FBH1: variants seen among roughly 807,000 people sequenced by gnomAD.
FBH1 encodes the protein F-box DNA helicase 1.
In FBH1, 43 loss-of-function variants were observed where a neutral mutation model predicts 115.5. The ratio of observed to expected loss-of-function variants is 0.37; its 90% CI spans 0.29 to 0.48. The LOEUF is 0.48. FBH1 is among the 20% of genes least tolerant of loss of function. The pLI is 0.99. For synonymous variants in FBH1, 524 were observed against 507.8 expected (o/e 1.03, Z -0.43); for missense variants, 1,001 against 1,337.3 (o/e 0.75, Z 3.92).
rs993119351 is a variant in FBH1 at position 5,900,665 on chromosome 10, C to G, written c.2-2355C>G. ...TTCATGAAGTTTTTTTTTAAAAAAG[C>G]TGGTATTAAACCTTGAAAAAGTTAA... On this transcript the variant is annotated intron_variant, in intron 1 of 20. Coordinates refer to ENST00000362091, the MANE Select transcript of FBH1 (RefSeq NM_178150.3). The surrounding 1 kb of genome is among the most constrained non-coding windows in gnomAD (Gnocchi z 4.2). Among the ~76,000 whole-genome samples the G allele has an allele frequency of 2.0e-5, 3 of 152,050 alleles. No homozygotes were observed. The highest frequency in any genetic ancestry group is 7.2e-5 in the African/African-American group (3 of 41,390).
Position 5,911,703 on chromosome 10 carries a change from T to C in FBH1, c.1211+575T>C, listed in dbSNP as rs1289066283. ...GCTTAGAGGAGTTAGAGGAGATTCC[T>C]GATCTAGTGAGGGAAGACAGGTCCT... On this transcript the variant is annotated intron_variant, in intron 6 of 20. Coordinates refer to ENST00000362091, the MANE Select transcript of FBH1 (RefSeq NM_178150.3). The surrounding 1 kb of genome is among the most constrained non-coding windows in gnomAD (Gnocchi z 5.4). Among the ~76,000 whole-genome samples, 1 of 152,166 alleles carries C rather than the reference T, an allele frequency of 6.6e-6. No individual in the cohort carries two copies. Among genetic ancestry groups the C allele is most frequent in the Non-Finnish European group, 1.5e-5 (1 of 68,026 alleles).
rs1315656621 is a variant in FBH1 at position 5,900,470 on chromosome 10, G to A, written c.2-2550G>A. 2.0e-5 allele frequency among the ~76,000 whole-genome samples: 3 copies of A among 152,206 alleles called. No individual in the cohort carries two copies. The highest frequency in any genetic ancestry group is 4.4e-5 in the Non-Finnish European group (3 of 68,038). On this transcript the variant is annotated intron_variant, in intron 1 of 20. Coordinates refer to ENST00000362091, the MANE Select transcript of FBH1 (RefSeq NM_178150.3). The surrounding 1 kb of genome is among the most constrained non-coding windows in gnomAD (Gnocchi z 4.2). Reference sequence around the variant, plus strand: ...GGCCCTCGCCGGCTCACCACGCTGCGCTGTGCTGCTTCGTGAGAGTGAGCG... The same window carrying A: ...GGCCCTCGCCGGCTCACCACGCTGCACTGTGCTGCTTCGTGAGAGTGAGCG...
At chr10:5,905,682 T>C (rs1226409148) in intron 2 of FBH1, among the ~76,000 whole-genome samples, 2 of 152,170 alleles carry the variant, frequency 1.3e-5, no homozygotes, top group Non-Finnish European at 1.5e-5. Flanking sequence ...CGGGGCACTT[T>C]GTGAGTGGCG....
At chr10:5,908,649 T>A (rs1019779612) in intron 3 of FBH1, among the ~76,000 whole-genome samples, 2 of 151,870 alleles carry the variant, frequency 1.3e-5, no homozygotes, top group Non-Finnish European at 2.9e-5. Context: ...TCACCCAGGC[T>A]AGCGTGCACT....
In FBH1 at chr10:5,932,512, A is replaced by G. The variant is rs140762433; in HGVS notation, c.2830-3944A>G. ...GCTCTCTCGCCTCTTGGTCAGCTGC[A>G]TAGTGTTCTGTGTTGACGCACTGTG... is the stretch of plus-strand genomic sequence containing the variant. On this transcript the variant is annotated intron_variant, in intron 19 of 20. Coordinates refer to ENST00000362091, the MANE Select transcript of FBH1 (RefSeq NM_178150.3). The surrounding 1 kb of genome is among the most constrained non-coding windows in gnomAD (Gnocchi z 5.9). Among the ~76,000 whole-genome samples, 14 of 152,224 alleles carry G rather than the reference A, an allele frequency of 9.2e-5. No homozygotes were observed. In the East Asian group the frequency reaches 2.1e-3, roughly 23 times the overall value.
At chr10:5,890,167 T>C (rs1589032564), upstream of FBH1, 1 of 328,302 alleles carries the variant, frequency 3.0e-6, no homozygotes, top group Non-Finnish European at 5.7e-6. Flanking sequence ...TCAGTCCGGC[T>C]CCGGCGGCGG....
In FBH1 at chr10:5,915,541, A is replaced by G. The variant is rs1831872352; in HGVS notation, c.1535A>G (p.His512Arg). 1 of 1,613,180 alleles carries G rather than the reference A, an allele frequency of 6.2e-7. No individual in the cohort carries two copies. The highest frequency in any genetic ancestry group is 1.7e-5 in the Admixed American group (1 of 59,896). The stretch of plus-strand genomic sequence containing the variant: ...AGCAACGTCATCTGCAAAACCTTCC[A>G]CTCCATGGCCTACGGGCACATAGGG... ...FPSNVICKTF[H>R]SMAYGHIGRK... Residue 512 changes from histidine (H) to arginine (R), a missense_variant, in exon 9 of 21, where the codon CAC becomes CGC. Around this residue, in one of 4 missense-constraint regions of FBH1, gnomAD observed 521 missense variants for 811.0 expected, o/e 0.64. Transcript: ENST00000362091. This position sits in a 1 kb window ranked among gnomAD's most constrained non-coding sequence, Gnocchi z 5.2.
chr10:5,909,018 G>C lies in FBH1; in HGVS notation c.847G>C (p.Glu283Gln). The C allele has an allele frequency of 6.2e-7, 1 of 1,614,234 alleles. No homozygotes were observed. The highest frequency in any genetic ancestry group is 8.5e-7 in the Non-Finnish European group (1 of 1,180,038). The change falls in exon 4 of 21, where the codon GAA becomes CAA. Residue 283 changes from glutamate to glutamine, a missense_variant. Physicochemically the swap from Glu to Gln is conservative, Grantham distance 29. Transcript: ENST00000362091. The surrounding 1 kb of genome is among the most constrained non-coding windows in gnomAD (Gnocchi z 4.4). ...CGGCATCCTGTCTAACTGTGGCATA[G>C]AAAAGGAGTCAGACCTGTGTGTGCT... ...VDGILSNCGI[E>Q]KESDLCVLNL...
rs1348565103 is a variant in FBH1 at position 5,911,413 on chromosome 10, G to A, written c.1211+285G>A. ...AGCCTTAGGGGAAGCCCCTCGCCAAGAGAAGCCTTTCTTATTCACCCGTGG... is the reference window on the plus strand; with the variant it reads ...AGCCTTAGGGGAAGCCCCTCGCCAAAAGAAGCCTTTCTTATTCACCCGTGG... On this transcript the variant is annotated intron_variant, in intron 6 of 20. Transcript: ENST00000362091. This position sits in a 1 kb window ranked among gnomAD's most constrained non-coding sequence, Gnocchi z 5.4. Among the ~76,000 whole-genome samples the A allele has an allele frequency of 6.6e-6, 1 of 152,252 alleles. No individual in the cohort carries two copies. Among genetic ancestry groups the A allele is most frequent in the Non-Finnish European group, 1.5e-5 (1 of 68,048 alleles).
Position 5,909,728 on chromosome 10 carries a change from C to A in FBH1, c.1020+434C>A, listed in dbSNP as rs1380552675. Among the ~76,000 whole-genome samples the A allele has an allele frequency of 6.6e-6, 1 of 152,208 alleles. No homozygotes were observed. Among genetic ancestry groups the A allele is most frequent in the East Asian group, 1.9e-4 (1 of 5,190 alleles). The stretch of plus-strand genomic sequence containing the variant: ...AGAAGCTGGAAATAACCCTCAGTCT[C>A]CTTGAATCTCAGCCCTGTTGCTCCT... On this transcript the variant is annotated intron_variant, in intron 5 of 20. Transcript: ENST00000362091. This position sits in a 1 kb window ranked among gnomAD's most constrained non-coding sequence, Gnocchi z 4.4.
Position 5,924,615 on chromosome 10 carries a change from T to C in FBH1, c.2596+107T>C. Reference sequence around the variant, plus strand: ...CAGAGTATTGCTCTGTTGCCCAGGCTGGAGTGCAGTGGCGTGATCTTGGCT... The same window carrying C: ...CAGAGTATTGCTCTGTTGCCCAGGCCGGAGTGCAGTGGCGTGATCTTGGCT... On this transcript the variant is annotated intron_variant, in intron 17 of 20. Coordinates refer to ENST00000362091, the MANE Select transcript of FBH1 (RefSeq NM_178150.3). This position sits in a 1 kb window ranked among gnomAD's most constrained non-coding sequence, Gnocchi z 6.2. The C allele has an allele frequency of 8.9e-7, 1 of 1,124,870 alleles. No homozygotes were observed. The highest frequency in any genetic ancestry group is 1.4e-5 in the South Asian group (1 of 72,446). The allele number at this position is 1,124,870 out of a possible 1,614,324, so 69.7% of individuals were successfully genotyped here.
intron 19 of FBH1, among the ~76,000 whole-genome samples, chr10:5,930,150 T>G (rs11255987): frequency 0.083 from 12,619 of 152,242 alleles, 1,689 homozygotes; most frequent in African/African-American, 0.29. Flanking sequence ...CTCCAAAAAA[T>G]ATGTACTTTT....
rs1236251883 is a variant in FBH1 at position 5,911,213 on chromosome 10, A to G, written c.1211+85A>G. On this transcript the variant is annotated intron_variant, in intron 6 of 20. Coordinates refer to ENST00000362091, the MANE Select transcript of FBH1 (RefSeq NM_178150.3). The surrounding 1 kb of genome is among the most constrained non-coding windows in gnomAD (Gnocchi z 5.4). Reference sequence around the variant, plus strand: ...AGCAGGTCCAGCCCTGCCACTTAGCAGTGTTAGCACCTGGCAGGCTGTGGG... The same window carrying G: ...AGCAGGTCCAGCCCTGCCACTTAGCGGTGTTAGCACCTGGCAGGCTGTGGG... 1.5e-5 allele frequency: 21 copies of G among 1,380,766 alleles called. No homozygotes were observed. The highest frequency in any genetic ancestry group is 2.1e-5 in the Non-Finnish European group (21 of 1,007,358). The allele number at this position is 1,380,766 out of a possible 1,614,324, so 85.5% of individuals were successfully genotyped here. A position where few individuals can be genotyped will look rare whatever the true frequency, so the allele number is the denominator to read the frequency against.
chr10:5,893,763 G>A (rs1842862815), intron 1 of FBH1, among the ~76,000 whole-genome samples: 1 of 152,018 alleles, frequency 6.6e-6, no homozygotes, highest in South Asian at 2.1e-4. Flanking sequence ...ATTCACTTTT[G>A]TATCACTAAT....
rs1284868201 is a variant in FBH1, at chr10:5,937,289, C to T, written c.*9C>T. ...TCTTCCTCGTCTTCTGAGGACAAGG[C>T]GCACGTTCTCCGCAGTGCAGAGCAG... On this transcript the variant is annotated 3_prime_UTR_variant, in exon 21 of 21. Coordinates refer to ENST00000362091, the MANE Select transcript of FBH1 (RefSeq NM_178150.3). 5.7e-6 allele frequency: 9 copies of T among 1,588,476 alleles called. No homozygotes were observed. The highest frequency in any genetic ancestry group is 1.7e-5 in the Admixed American group (1 of 57,736).
rs1831395061 is a variant in FBH1 at position 5,909,067 on chromosome 10, C to T, written c.884+12C>T. On this transcript the variant is annotated intron_variant, in intron 4 of 20. Coordinates refer to ENST00000362091, the MANE Select transcript of FBH1 (RefSeq NM_178150.3). This position sits in a 1 kb window ranked among gnomAD's most constrained non-coding sequence, Gnocchi z 4.4. ...CTGAACCTCATACGGTGAGCTTTGCCTGTGCTGTAAAGAAGGCGTCTTTGA... is the reference window on the plus strand; with the variant it reads ...CTGAACCTCATACGGTGAGCTTTGCTTGTGCTGTAAAGAAGGCGTCTTTGA... 1.2e-6 allele frequency: 2 copies of T among 1,613,966 alleles called. No individual in the cohort carries two copies. Among genetic ancestry groups the T allele is most frequent in the Admixed American group, 1.7e-5 (1 of 60,006 alleles).
At chr10:5,899,394 T>A (rs939611730) in intron 1 of FBH1, among the ~76,000 whole-genome samples, 2 of 152,260 alleles carry the variant, frequency 1.3e-5, no homozygotes, top group Non-Finnish European at 2.9e-5. Flanking sequence ...GCAGTAGATG[T>A]TCACCTCCTA....
Position 5,917,548 on chromosome 10 carries a change from G to C in FBH1, c.1876+41G>C. On this transcript the variant is annotated intron_variant, in intron 11 of 20. Coordinates refer to ENST00000362091, the MANE Select transcript of FBH1 (RefSeq NM_178150.3). This position sits in a 1 kb window ranked among gnomAD's most constrained non-coding sequence, Gnocchi z 5.6. ...ATGGCGGGGACTGGCCAATGGGACT[G>C]CCTTCCTGGCGTTACAACTCCTGCG... The C allele has an allele frequency of 6.2e-7, 1 of 1,613,430 alleles. No homozygotes were observed.
Position 5,900,518 on chromosome 10 carries a change from G to A in FBH1, c.2-2502G>A, listed in dbSNP as rs1288872767. On this transcript the variant is annotated intron_variant, in intron 1 of 20. Coordinates refer to ENST00000362091, the MANE Select transcript of FBH1 (RefSeq NM_178150.3). The surrounding 1 kb of genome is among the most constrained non-coding windows in gnomAD (Gnocchi z 4.2). The stretch of plus-strand genomic sequence containing the variant: ...GCGCATCTGTGATTGCTGAGGCCTG[G>A]CGCTCATGGGGTTGCACCCAGCTTC... Among the ~76,000 whole-genome samples the A allele has an allele frequency of 6.6e-6, 1 of 152,264 alleles. No homozygotes were observed. Among genetic ancestry groups the A allele is most frequent in the Non-Finnish European group, 1.5e-5 (1 of 68,042 alleles).
Sources: allele counts gnomAD v4.1 joint callset (sites outside exome capture counted in the v4.1 genomes callset), GRCh38; gene constraint gnomAD v4.1.1; regional missense constraint gnomAD v4.1.1; non-coding constraint Gnocchi (gnomAD v3.1); transcripts MANE v1.5; gene names NCBI Gene and HGNC (gene_info 2026-07-23, HGNC 2026-07-21).